ABHD17C: variants seen among roughly 807,000 people sequenced by gnomAD.
The protein encoded by ABHD17C is alpha/beta hydrolase domain-containing protein 17C.
ABHD17C carries 11 observed loss-of-function variants against 27.9 expected under a neutral mutation model. The observed-to-expected ratio is 0.39, with a 90% CI of 0.25 to 0.65. The LOEUF (loss-of-function observed/expected upper bound fraction) is 0.65. ABHD17C is among the 30% of genes least tolerant of loss of function. The pLI is 0.45. For synonymous variants in ABHD17C, 233 were observed against 209.1 expected (o/e 1.11, Z -0.98); for missense variants, 280 against 470.2 (o/e 0.60, Z 3.74).
chr15:80,715,227 A>G (rs546294932), intron 1 of ABHD17C, among the ~76,000 whole-genome samples: 19 of 152,354 alleles, frequency 1.2e-4, no homozygotes, highest in Admixed American at 1.2e-3. Flanking sequence ...AAGAATTGCA[A>G]TGGCCATTCA....
chr15:80,728,895 G>T (rs1895019080), intron 1 of ABHD17C, among the ~76,000 whole-genome samples: 1 of 152,310 alleles, frequency 6.6e-6, no homozygotes, highest in African/African-American at 2.4e-5. Context: ...ACAGGAATGA[G>T]CCACCACGCC....
intron 1 of ABHD17C, among the ~76,000 whole-genome samples, chr15:80,718,004 A>C (rs1441329678): frequency 6.6e-6 from 1 of 152,218 alleles, no homozygotes; most frequent in East Asian, 1.9e-4. Flanking sequence ...AACCTGTTCC[A>C]GTTCAGACAG....
At chr15:80,742,814 C>T (rs536025356) in intron 1 of ABHD17C, among the ~76,000 whole-genome samples, 2 of 152,040 alleles carry the variant, frequency 1.3e-5, no homozygotes, top group South Asian at 2.1e-4. Context: ...AGAGTGACTC[C>T]GGGTCTCAGA....
chr15:80,701,955 C>T (rs572690476), intron 1 of ABHD17C, among the ~76,000 whole-genome samples: 4 of 151,974 alleles, frequency 2.6e-5, no homozygotes, highest in South Asian at 2.1e-4. Flanking sequence ...CCGTGTGGTT[C>T]GGCAGGTTTT....
At chr15:80,722,413 C>T (rs1894909375) in intron 1 of ABHD17C, among the ~76,000 whole-genome samples, 1 of 149,948 alleles carries the variant, frequency 6.7e-6, no homozygotes, top group African/African-American at 2.5e-5. Context: ...CTGTGATTGA[C>T]ATACAAAAAG....
At chr15:80,696,602 G>A (rs574894131) in intron 1 of ABHD17C, among the ~76,000 whole-genome samples, 5 of 152,160 alleles carry the variant, frequency 3.3e-5, no homozygotes, top group African/African-American at 1.2e-4. Context: ...GCACTGTGGG[G>A]CAGGAAGTTA....
intron 1 of ABHD17C, among the ~76,000 whole-genome samples, chr15:80,708,002 C>T (rs1369673967): frequency 6.6e-6 from 1 of 152,236 alleles, no homozygotes; most frequent in East Asian, 1.9e-4. Flanking sequence ...GTTCCAGCTG[C>T]CTCTGGCTGC....
intron 1 of ABHD17C, among the ~76,000 whole-genome samples, chr15:80,710,166 A>G (rs1478335250): frequency 1.3e-5 from 2 of 152,120 alleles, no homozygotes; most frequent in Admixed American, 6.5e-5. Context: ...ATGTGCAGAA[A>G]TGGGCTGAGG....
intron 1 of ABHD17C, among the ~76,000 whole-genome samples, chr15:80,714,570 G>A (rs562661331): frequency 3.9e-5 from 6 of 152,248 alleles, no homozygotes; most frequent in South Asian, 4.2e-4. Context: ...CCAAGGTGGC[G>A]GGGGGTGGAC....
chr15:80,699,669 C>CAG (rs1467822647), intron 1 of ABHD17C, among the ~76,000 whole-genome samples: 6 of 152,170 alleles, frequency 3.9e-5, no homozygotes, highest in African/African-American at 9.7e-5. Context: ...TGGATAAAGA[C>CAG]AGTGAATCCC....
intron 1 of ABHD17C, among the ~76,000 whole-genome samples, chr15:80,710,591 A>T (rs1210065905): frequency 6.6e-6 from 1 of 152,118 alleles, no homozygotes; most frequent in Non-Finnish European, 1.5e-5. Context: ...GAGATTTTGG[A>T]TGTATTTGAA....
chr15:80,722,897 A>G (rs1339387786), intron 1 of ABHD17C, among the ~76,000 whole-genome samples: 1 of 152,192 alleles, frequency 6.6e-6, no homozygotes, highest in African/African-American at 2.4e-5. Flanking sequence ...CAGGATTTCC[A>G]TCTTTCTAAG....
intron 1 of ABHD17C, chr15:80,704,533 GGATAAT>G (rs1894616167): frequency 6.7e-6 from 1 of 149,578 alleles, no homozygotes; most frequent in African/African-American, 2.5e-5. Flanking sequence ...AAAACTTAAA[GGATAAT>G]AATAATAATA....
At chr15:80,716,488 GA>G (rs1391703825) in intron 1 of ABHD17C, among the ~76,000 whole-genome samples, 1 of 152,148 alleles carries the variant, frequency 6.6e-6, no homozygotes, top group Non-Finnish European at 1.5e-5. Context: ...ACCCTAAAAT[GA>G]GGGGGCCCTG....
intron 1 of ABHD17C, among the ~76,000 whole-genome samples, chr15:80,729,962 C>G (rs578066232): frequency 2.6e-4 from 39 of 151,992 alleles, no homozygotes; most frequent in Non-Finnish European, 5.1e-4. Context: ...TAAAAAAATA[C>G]ACAAAAATTA....
At chr15:80,744,642 ACT>A (rs1416078844) in intron 1 of ABHD17C, among the ~76,000 whole-genome samples, 9 of 152,158 alleles carry the variant, frequency 5.9e-5, no homozygotes, top group Admixed American at 4.6e-4. Flanking sequence ...ATGCCTACTG[ACT>A]CTACACAAAA....
chr15:80,736,252 C>T (rs77965151), intron 1 of ABHD17C, among the ~76,000 whole-genome samples: 13,756 of 152,158 alleles, frequency 0.09, 884 homozygotes, highest in Middle Eastern at 0.19. Context: ...AAAAATTTTC[C>T]AAATCTACAA....
chr15:80,718,625 A>G (rs1160524703), intron 1 of ABHD17C, among the ~76,000 whole-genome samples: 3 of 152,112 alleles, frequency 2.0e-5, no homozygotes, highest in Non-Finnish European at 2.9e-5. Flanking sequence ...TGAGCCACCC[A>G]TGCCCAGCCG....
At position 80,754,151 on chromosome 15, in the gene ABHD17C, C is replaced by T. The variant is rs1895402793; in HGVS notation, c.771C>T (p.Ser257=). The T allele has an allele frequency of 3.1e-6, 5 of 1,613,182 alleles. No individual in the cohort carries two copies. The highest frequency in any genetic ancestry group is 3.4e-6 in the Non-Finnish European group (4 of 1,179,256). ...TGCCTCCCCCCTTTCTGTTTTGCAG[C>T]ATTGACAAGATATCTAAAGTCACCT... The part of the protein sequence containing the change: ...RKTYCFDAFP[S]IDKISKVTSP... Residue 257 remains serine (S), a splice_region_variant and synonymous_variant, in exon 3 of 3, where the codon AGC becomes AGT. Coordinates refer to ENST00000258884, the MANE Select transcript of ABHD17C (RefSeq NM_021214.2).
Sources: allele counts gnomAD v4.1 joint callset (sites outside exome capture counted in the v4.1 genomes callset), GRCh38; gene constraint gnomAD v4.1.1; transcripts MANE v1.5; gene names NCBI Gene and HGNC (gene_info 2026-07-23, HGNC 2026-07-21).